FHIT: variants seen among roughly 807,000 people sequenced by gnomAD.
FHIT encodes the protein bis(5'-adenosyl)-triphosphatase.
A neutral mutation model predicts 17.9 loss-of-function variants in FHIT; 19 were observed. That is an observed-to-expected ratio of 1.06 (90% CI 0.74 to 1.56). The LOEUF is 1.56. FHIT is among the 40% of genes most tolerant of loss of function. The probability of loss-of-function intolerance (pLI) is 0.00; values close to 1 mark genes in which losing one functional copy is unlikely to be tolerated. For synonymous variants in FHIT, 81 were observed against 69.7 expected (o/e 1.16, Z -0.81); for missense variants, 248 against 189.2 (o/e 1.31, Z -1.82).
intron 4 of FHIT, among the ~76,000 whole-genome samples, chr3:60,776,511 C>A (rs1700221043): frequency 1.3e-5 from 2 of 152,286 alleles, no homozygotes; most frequent in African/African-American, 2.4e-5. Context: ...TAATGCAGGT[C>A]AGATGCAAGG....
chr3:60,080,146 A>T (rs995782643), intron 5 of FHIT, among the ~76,000 whole-genome samples: 1 of 152,184 alleles, frequency 6.6e-6, no homozygotes, highest in African/African-American at 2.4e-5. Context: ...AAAATAATGA[A>T]GGTCAAGGAG....
At chr3:60,222,142 T>A (rs1280350152) in intron 5 of FHIT, among the ~76,000 whole-genome samples, 1 of 152,146 alleles carries the variant, frequency 6.6e-6, no homozygotes, top group Non-Finnish European at 1.5e-5. Flanking sequence ...AACTTGGGAA[T>A]GTATTCAAAT....
chr3:60,057,188 T>A (rs1248838196), intron 5 of FHIT, among the ~76,000 whole-genome samples: 13 of 152,214 alleles, frequency 8.5e-5, no homozygotes, highest in Admixed American at 8.5e-4. Context: ...CATTATTTCA[T>A]ATAAACCTTA....
chr3:60,562,857 G>A (rs2037000014), intron 4 of FHIT, among the ~76,000 whole-genome samples: 1 of 152,114 alleles, frequency 6.6e-6, no homozygotes, highest in Admixed American at 6.6e-5. Flanking sequence ...GAATTCATTT[G>A]AGAAATTTGA....
At chr3:60,649,014 T>C (rs1440347093) in intron 4 of FHIT, among the ~76,000 whole-genome samples, 1 of 152,216 alleles carries the variant, frequency 6.6e-6, no homozygotes, top group Admixed American at 6.5e-5. Context: ...TACACACATA[T>C]ATGTTATATA....
intron 5 of FHIT, among the ~76,000 whole-genome samples, chr3:60,315,824 C>T (rs1709140330): frequency 6.6e-6 from 1 of 152,154 alleles, no homozygotes. Flanking sequence ...AGTAAAGTTG[C>T]TGGATCGCAG....
chr3:60,880,345 A>G (rs938851799), intron 3 of FHIT, among the ~76,000 whole-genome samples: 2 of 152,240 alleles, frequency 1.3e-5, no homozygotes, highest in Admixed American at 1.3e-4. Flanking sequence ...ATTCATCACC[A>G]CTAGAACAGT....
chr3:60,927,898 T>A (rs1360356294), intron 3 of FHIT, among the ~76,000 whole-genome samples: 1 of 152,172 alleles, frequency 6.6e-6, no homozygotes, highest in Non-Finnish European at 1.5e-5. Context: ...GAAAGAGAGA[T>A]CAGATTGTTA....
At chr3:61,064,118 T>C (rs1293591882) in intron 2 of FHIT, among the ~76,000 whole-genome samples, 1 of 152,184 alleles carries the variant, frequency 6.6e-6, no homozygotes, top group Non-Finnish European at 1.5e-5. Flanking sequence ...GAATACTTCA[T>C]TGACATTGAC....
At chr3:60,291,127 A>G (rs532051864) in intron 5 of FHIT, among the ~76,000 whole-genome samples, 2 of 152,266 alleles carry the variant, frequency 1.3e-5, no homozygotes, top group Admixed American at 1.3e-4. Context: ...GAGTGAGGTT[A>G]AATGGGGAAG....
At chr3:60,326,795 T>C (rs1391944533) in intron 5 of FHIT, among the ~76,000 whole-genome samples, 1 of 152,230 alleles carries the variant, frequency 6.6e-6, no homozygotes, top group East Asian at 1.9e-4. Context: ...TTTCCTGTGC[T>C]GTGACCCACA....
At chr3:60,535,673 C>T (rs1400039432) in intron 5 of FHIT, 1 of 151,400 alleles carries the variant, frequency 6.6e-6, no homozygotes, top group Non-Finnish European at 1.5e-5. Flanking sequence ...TTAAGAAAAG[C>T]TTACATATTT....
intron 5 of FHIT, among the ~76,000 whole-genome samples, chr3:60,258,551 A>C (rs1706135650): frequency 1.3e-5 from 2 of 148,906 alleles, no homozygotes; most frequent in South Asian, 4.3e-4. Flanking sequence ...TATTACTTTA[A>C]AATATTAAAT....
intron 2 of FHIT, among the ~76,000 whole-genome samples, chr3:61,170,340 G>T (rs1053920816): frequency 6.6e-6 from 1 of 152,012 alleles, no homozygotes; most frequent in Non-Finnish European, 1.5e-5. Context: ...CAAATAAAAT[G>T]AGAAGTTAAA....
intron 5 of FHIT, among the ~76,000 whole-genome samples, chr3:60,342,894 G>T (rs760309213): frequency 6.6e-6 from 1 of 152,058 alleles, no homozygotes; most frequent in Non-Finnish European, 1.5e-5. Flanking sequence ...CCTTCCCAAG[G>T]AATTTGTCAT....
intron 5 of FHIT, among the ~76,000 whole-genome samples, chr3:60,134,796 G>A (rs1699745132): frequency 6.6e-6 from 1 of 152,114 alleles, no homozygotes; most frequent in Admixed American, 6.6e-5. Flanking sequence ...GATACAATTA[G>A]TTGAGGTTCT....
intron 5 of FHIT, among the ~76,000 whole-genome samples, chr3:60,196,925 C>G (rs778121965): frequency 6.6e-6 from 1 of 151,932 alleles, no homozygotes; most frequent in Non-Finnish European, 1.5e-5. Context: ...GTACTGGGGA[C>G]CACAGGTAAG....
At chr3:60,552,250 T>G (rs1174844120) in intron 4 of FHIT, among the ~76,000 whole-genome samples, 1 of 151,994 alleles carries the variant, frequency 6.6e-6, no homozygotes, top group Non-Finnish European at 1.5e-5. Flanking sequence ...GGACATTTGT[T>G]ACTACATTTT....
At chr3:59,808,733 A>G (rs1264604268) in intron 8 of FHIT, among the ~76,000 whole-genome samples, 1 of 152,176 alleles carries the variant, frequency 6.6e-6, no homozygotes, top group African/African-American at 2.4e-5. Context: ...CTTGAGCTTT[A>G]ACTACACCGA....
Sources: allele counts gnomAD v4.1 joint callset (sites outside exome capture counted in the v4.1 genomes callset), GRCh38; gene constraint gnomAD v4.1.1; transcripts MANE v1.5; gene names NCBI Gene and HGNC (gene_info 2026-07-23, HGNC 2026-07-21).